ACSF3: variants seen among roughly 807,000 people sequenced by gnomAD.
ACSF3 encodes acyl-CoA synthetase family member 3.
In ACSF3, 78 loss-of-function variants were observed where a neutral mutation model predicts 53.2. The observed-to-expected ratio is 1.47, with a 90% CI of 1.22 to 1.77. The LOEUF (loss-of-function observed/expected upper bound fraction) is 1.77, where lower values mean the gene tolerates loss of function less well. Among genes scored for constraint, ACSF3 ranks in the 40% most tolerant of loss-of-function variants. The pLI is 0.00. For missense variants in ACSF3, 937 were observed against 771.1 expected (o/e 1.22, Z -2.55); for synonymous variants, 414 against 333.1 (o/e 1.24, Z -2.65).
At chr16:89,111,715 C>T (rs897435419) in intron 4 of ACSF3, among the ~76,000 whole-genome samples, 1 of 152,260 alleles carries the variant, frequency 6.6e-6, no homozygotes, top group African/African-American at 2.4e-5. Flanking sequence ...TCACTGCATG[C>T]CTGTCCATAC....
chr16:89,142,305 C>T (rs1282282186), intron 8 of ACSF3, among the ~76,000 whole-genome samples: 1 of 152,154 alleles, frequency 6.6e-6, no homozygotes, highest in African/African-American at 2.4e-5. Flanking sequence ...GGCAGCCAGG[C>T]CCAGGCAGGG....
At chr16:89,102,915 T>G (rs957269385) in intron 4 of ACSF3, among the ~76,000 whole-genome samples, 156 bp downstream of exon 4, 3 of 152,178 alleles carry the variant, frequency 2.0e-5, no homozygotes, top group Non-Finnish European at 4.4e-5. Flanking sequence ...CTTTTCCTGG[T>G]GTGCAGTCGC....
intron 8 of ACSF3, among the ~76,000 whole-genome samples, chr16:89,142,039 A>C (rs1039094653): frequency 6.6e-6 from 1 of 152,200 alleles, no homozygotes; most frequent in African/African-American, 2.4e-5. Context: ...CCGGCACAGA[A>C]GCCTGGGGCC....
At chr16:89,103,247 C>T (rs1013144694) in intron 4 of ACSF3, among the ~76,000 whole-genome samples, 83 of 152,244 alleles carry the variant, frequency 5.5e-4, no homozygotes, top group African/African-American at 2.0e-3. Flanking sequence ...CGAGCTCCTG[C>T]GGCTGCGGCG....
chr16:89,101,968 C>G (rs1251559691), intron 3 of ACSF3, among the ~76,000 whole-genome samples: 1 of 152,214 alleles, frequency 6.6e-6, no homozygotes, highest in Non-Finnish European at 1.5e-5. Context: ...AGCGGCGCGC[C>G]TGTCGGGAGG....
rs373631805 is a variant in ACSF3 at position 89,146,052 on chromosome 16, A to C, written c.1613+3A>C. 172 of 455,900 alleles carry C rather than the reference A, an allele frequency of 3.8e-4. No individual in the cohort carries two copies. Among genetic ancestry groups the C allele is most frequent in the Non-Finnish European group, 6.9e-4 (157 of 227,430 alleles). The allele number at this position is 455,900 out of a possible 1,614,324, so 28.2% of individuals were successfully genotyped here. A position where few individuals can be genotyped will look rare whatever the true frequency, so the allele number is the denominator to read the frequency against. On this transcript the variant is annotated splice_donor_region_variant and intron_variant, in intron 10 of 10. Transcript: ENST00000614302. Reference sequence around the variant, plus strand: ...AGGGAGCTCAAAGAGTGGGCCAGGTAGGGCTGGGTGGGGCGGGCAGGGAGC... The same window carrying C: ...AGGGAGCTCAAAGAGTGGGCCAGGTCGGGCTGGGTGGGGCGGGCAGGGAGC...
rs1379700856 is a variant in ACSF3 at position 89,101,361 on chromosome 16, G to A, written c.666+14G>A. ...ATCAGGGCTGTGGTGAGTGCCGCCTGGCGCCGTGATGGTTTCGGTGACCGC... is the reference window on the plus strand; with the variant it reads ...ATCAGGGCTGTGGTGAGTGCCGCCTAGCGCCGTGATGGTTTCGGTGACCGC... On this transcript the variant is annotated intron_variant, in intron 3 of 10. Transcript: ENST00000614302. The A allele has an allele frequency of 1.2e-5, 19 of 1,567,910 alleles. No individual in the cohort carries two copies. Among genetic ancestry groups the A allele is most frequent in the Non-Finnish European group, 1.6e-5 (19 of 1,157,308 alleles).
At chr16:89,094,358 C>T (rs1035911506) in intron 1 of ACSF3, among the ~76,000 whole-genome samples, 2 of 152,202 alleles carry the variant, frequency 1.3e-5, no homozygotes, top group South Asian at 2.1e-4. Context: ...AGAAGTCACC[C>T]TTGAAGTACT....
chr16:89,099,064 A>G (rs1442035968), intron 2 of ACSF3, among the ~76,000 whole-genome samples: 7 of 152,228 alleles, frequency 4.6e-5, no homozygotes, highest in South Asian at 2.1e-4. Flanking sequence ...AGACCAGCCT[A>G]TTCTTACTGT....
chr16:89,128,964 A>G (rs1445225524), intron 7 of ACSF3, among the ~76,000 whole-genome samples: 1 of 19,252 alleles, frequency 5.2e-5, no homozygotes, highest in Non-Finnish European at 2.0e-4. Flanking sequence ...CATCTCTACA[A>G]AAAGTTGGAA....
At chr16:89,106,195 G>A (rs977423714) in intron 4 of ACSF3, among the ~76,000 whole-genome samples, 5 of 152,156 alleles carry the variant, frequency 3.3e-5, no homozygotes, top group African/African-American at 7.2e-5. Flanking sequence ...TAATGGACAC[G>A]GGAAAGCCTC....
In ACSF3 at chr16:89,112,994, A is replaced by G. The variant is rs535667226; in HGVS notation, c.977+748A>G. Among the ~76,000 whole-genome samples, 49 of 152,154 alleles carry G rather than the reference A, an allele frequency of 3.2e-4. 2 individuals are homozygous for G. Among genetic ancestry groups the G allele is most frequent in the African/African-American group, 1.0e-3 (42 of 41,500 alleles). ...GACAAGCTGGTCTTTTGGGCCACCC[A>G]GGGGCGTGTTTGCTCTGCACTCTCC... On this transcript the variant is annotated intron_variant, in intron 5 of 10. Coordinates refer to ENST00000614302, the MANE Select transcript of ACSF3 (RefSeq NM_001243279.3).
chr16:89,114,756 A>G (rs1279221925), intron 6 of ACSF3: 3 of 537,414 alleles, frequency 5.6e-6, no homozygotes, highest in East Asian at 6.8e-5. Context: ...AATGGGAAGA[A>G]CAGCAATGCC....
chr16:89,147,051 G>T (rs150315755), intron 10 of ACSF3, among the ~76,000 whole-genome samples: 1 of 151,516 alleles, frequency 6.6e-6, no homozygotes, highest in Non-Finnish European at 1.5e-5. Flanking sequence ...AAGCGTGGCT[G>T]GGGAGGCCTC....
rs750046023 is a variant in ACSF3, at chr16:89,102,790, C to G, written c.822+31C>G. 55 of 1,583,378 alleles carry G rather than the reference C, an allele frequency of 3.5e-5. 1 individual carries two copies. The Middle Eastern group carries it at 6.6e-4, about 19-fold the overall frequency. ...TTGGGGTCAGGGCTCTCGGTTGCAC[C>G]CTCAGACTAGGCGCCTTTCCCCTGT... On this transcript the variant is annotated intron_variant, in intron 4 of 10. Transcript: ENST00000614302.
intron 9 of ACSF3, 52 bp from the exon 10 acceptor site, chr16:89,145,886 G>A (rs1007856798): frequency 6.0e-6 from 9 of 1,502,052 alleles, no homozygotes; most frequent in Non-Finnish European, 8.3e-6. Context: ...TCTTCGGCCT[G>A]TAAGGGTCAC....
At chr16:89,111,349 A>ATGGGCTGGGGC (rs1434499899) in intron 4 of ACSF3, among the ~76,000 whole-genome samples, 3 of 152,202 alleles carry the variant, frequency 2.0e-5, no homozygotes, top group Non-Finnish European at 2.9e-5. Flanking sequence ...AGGAGATGAG[A>ATGGGCTGGGGC]TGGGCTGGGG....
chr16:89,100,832 C>T lies in ACSF3; in HGVS notation c.151C>T (p.Leu51=), dbSNP rs1567683520. The T allele has an allele frequency of 6.2e-7, 1 of 1,613,476 alleles. No individual in the cohort carries two copies. The change falls in exon 3 of 11, where the codon CTG becomes TTG. Residue 51 remains leucine (L), a synonymous_variant. Coordinates refer to ENST00000614302, the MANE Select transcript of ACSF3 (RefSeq NM_001243279.3). ...DRSAPVFTRA[L]AFGDRIALVD... ...GAGCGCCCCGGTGTTCACCCGTGCC[C>T]TGGCCTTTGGGGACAGAATCGCCCT...
intron 4 of ACSF3, among the ~76,000 whole-genome samples, chr16:89,106,330 T>C (rs1975982809): frequency 6.6e-6 from 1 of 151,752 alleles, no homozygotes; most frequent in South Asian, 2.1e-4. Context: ...TCTCGCACTG[T>C]TAGCCGGGCT....
Sources: gnomAD v4.1 joint callset for allele counts (sites outside exome capture counted in the v4.1 genomes callset) on GRCh38, gnomAD v4.1.1 for gene constraint, MANE v1.5 for transcripts, NCBI Gene and HGNC (gene_info 2026-07-23, HGNC 2026-07-21) for gene names.